RALGAPA1: variants seen among roughly 807,000 people sequenced by gnomAD.
The protein encoded by RALGAPA1 is ral GTPase-activating protein subunit alpha-1.
RALGAPA1 carries 52 observed loss-of-function variants against 269.6 expected under a neutral mutation model. The observed-to-expected ratio is 0.19, with a 90% confidence interval of 0.15 to 0.24. The LOEUF (loss-of-function observed/expected upper bound fraction) is 0.24. RALGAPA1 is among the 10% of genes least tolerant of loss of function. The probability of loss-of-function intolerance (pLI) is 1.00; values close to 1 mark genes in which losing one functional copy is unlikely to be tolerated. For synonymous variants in RALGAPA1, 817 were observed against 1,008.3 expected, an observed-to-expected ratio of 0.81 and a Z score of 3.60; for missense variants, 1,917 against 3,013.9, an observed-to-expected ratio of 0.64 and a Z score of 8.52.
intron 8 of RALGAPA1, 52 bp from the exon 9 acceptor site, chr14:35,750,742 T>C: frequency 7.0e-7 from 1 of 1,434,264 alleles, no homozygotes; most frequent in Non-Finnish European, 9.5e-7. Context: ...AAATTATGTT[T>C]AGAAAAAACC....
At position 35,770,874 on chromosome 14, in the gene RALGAPA1, C is replaced by T. The variant is rs1257938824; in HGVS notation, c.325+68G>A. 5 of 536,522 alleles carry T rather than the reference C, an allele frequency of 9.3e-6. No homozygotes were observed. In the East Asian group the frequency reaches 1.4e-4, roughly 15 times the overall value. The allele number at this position is 536,522 out of a possible 1,614,324, so 33.2% of individuals were successfully genotyped here. On this transcript the variant is annotated intron_variant, in intron 4 of 41. Coordinates refer to ENST00000680220, the MANE Select transcript of RALGAPA1 (RefSeq NM_001346249.2). ...CTATTAATTCATTTCAACTAACAAC[C>T]CATTAAAGAACATTTTTCATATATT...
rs766975141 is a variant in RALGAPA1, at chr14:35,689,937, G to A, written c.2474C>T (p.Thr825Ile). ...RVRHFSQSEE[T>I]GNEVFGALNE... is the part of the protein sequence containing the mutation. ...CAAAGCACCAAAAACTTCATTTCCAGTTTCTTCACTTTGTGAAAAATGTCT... is the reference window on the plus strand; with the variant it reads ...CAAAGCACCAAAAACTTCATTTCCAATTTCTTCACTTTGTGAAAAATGTCT... Residue 825 changes from threonine (T) to isoleucine (I), a missense_variant, in exon 18 of 42, where the codon ACT (threonine) becomes ATT (isoleucine). Physicochemically the swap from Thr to Ile is moderately conservative, Grantham distance 89 (BLOSUM62 -1). Transcript: ENST00000680220. The A allele has an allele frequency of 1.2e-6, 2 of 1,601,808 alleles. No homozygotes were observed. Among genetic ancestry groups the A allele is most frequent in the South Asian group, 2.2e-5 (2 of 89,036 alleles).
chr14:35,681,970 T>C (rs1194599425), intron 21 of RALGAPA1, among the ~76,000 whole-genome samples: 1 of 152,230 alleles, frequency 6.6e-6, no homozygotes, highest in African/African-American at 2.4e-5. Flanking sequence ...TTTTTGCATA[T>C]ATTAATATTT....
intron 35 of RALGAPA1, among the ~76,000 whole-genome samples, chr14:35,615,751 G>C (rs2060208540): frequency 6.6e-6 from 1 of 152,070 alleles, no homozygotes; most frequent in Admixed American, 6.6e-5. Context: ...GTATGTATGA[G>C]AACGGAGGCA....
intron 16 of RALGAPA1, among the ~76,000 whole-genome samples, chr14:35,710,243 C>T (rs1388761850): frequency 3.3e-5 from 5 of 152,102 alleles, no homozygotes; most frequent in African/African-American, 9.7e-5. Context: ...AGGATTATTA[C>T]GTCTTCTTGG....
In RALGAPA1 at chr14:35,797,198, C is replaced by CA. The variant is rs1193337753; in HGVS notation, c.106+11531dup. Among the ~76,000 whole-genome samples, 6 of 151,230 alleles carry CA rather than the reference C, an allele frequency of 4.0e-5. No homozygotes were observed. The East Asian group carries it at 1.2e-3, about 31-fold the overall frequency. On this transcript the variant is annotated intron_variant, in intron 1 of 41. Coordinates refer to ENST00000680220, the MANE Select transcript of RALGAPA1 (RefSeq NM_001346249.2). ...TGAAACCCCATCTCTACTAAAAATACAAAAAATTAGCTGGGCGTGGTGGTG... is the reference window on the plus strand; with the variant it reads ...TGAAACCCCATCTCTACTAAAAATACAAAAAAATTAGCTGGGCGTGGTGGTG...
At chr14:35,789,065 T>TA (rs1013896108) in intron 1 of RALGAPA1, among the ~76,000 whole-genome samples, 2 of 151,984 alleles carry the variant, frequency 1.3e-5, no homozygotes, top group African/African-American at 2.4e-5. Context: ...TATGTTGTAA[T>TA]AAAAAAATCA....
chr14:35,622,460 G>T (rs554596338), intron 35 of RALGAPA1, among the ~76,000 whole-genome samples: 1 of 152,134 alleles, frequency 6.6e-6, no homozygotes, highest in South Asian at 2.1e-4. Context: ...ACATGTATAC[G>T]TATGTAACAA....
chr14:35,639,974 T>C (rs1360275219), intron 31 of RALGAPA1, among the ~76,000 whole-genome samples: 1 of 151,622 alleles, frequency 6.6e-6, no homozygotes, highest in Non-Finnish European at 1.5e-5. Flanking sequence ...AAACAATATC[T>C]TCCTGAATGA....
rs1017679877 is a variant in RALGAPA1 at position 35,727,692 on chromosome 14, T to C, written c.1736+670A>G. Among the ~76,000 whole-genome samples the C allele has an allele frequency of 5.9e-5, 9 of 152,274 alleles. No individual in the cohort carries two copies. The South Asian group carries it at 6.2e-4, about 11-fold the overall frequency. ...GGTGGTAAACAGATATTTACACAAGTATTTTAGGGATCAAGACAGTTTTCA... is the reference window on the plus strand; with the variant it reads ...GGTGGTAAACAGATATTTACACAAGCATTTTAGGGATCAAGACAGTTTTCA... On this transcript the variant is annotated intron_variant, in intron 13 of 41. Transcript: ENST00000680220.
intron 39 of RALGAPA1, among the ~76,000 whole-genome samples, chr14:35,551,171 A>G (rs2054966423): frequency 6.6e-6 from 1 of 152,186 alleles, no homozygotes; most frequent in African/African-American, 2.4e-5. Flanking sequence ...AAAGGGAAAA[A>G]TGGGGTTATT....
At chr14:35,683,720 T>G (rs1332125298) in intron 21 of RALGAPA1, 89 bp downstream of exon 21, 20 of 956,292 alleles carry the variant, frequency 2.1e-5, no homozygotes, top group Non-Finnish European at 3.0e-5. Context: ...TAGTAATAAG[T>G]AATACTTAAA....
chr14:35,600,874 A>T (rs1183131268), intron 36 of RALGAPA1, among the ~76,000 whole-genome samples: 1 of 151,680 alleles, frequency 6.6e-6, no homozygotes, highest in Admixed American at 6.6e-5. Flanking sequence ...ATGATGTGTA[A>T]TTTTTTATTG....
intron 1 of RALGAPA1, among the ~76,000 whole-genome samples, chr14:35,781,775 A>G (rs1201334265): frequency 6.6e-6 from 1 of 152,124 alleles, no homozygotes; most frequent in Non-Finnish European, 1.5e-5. Flanking sequence ...GACAAAACCC[A>G]ATATAATTTC....
At chr14:35,676,976 A>T (rs2065005558) in intron 22 of RALGAPA1, 1 of 152,214 alleles carries the variant, frequency 6.6e-6, no homozygotes, top group South Asian at 2.1e-4. Flanking sequence ...AAGGAGAAAA[A>T]GAAAAGGTCA....
intron 28 of RALGAPA1, among the ~76,000 whole-genome samples, chr14:35,657,380 T>G (rs6571725): frequency 0.61 from 91,572 of 151,238 alleles, 29,167 homozygotes; most frequent in African/African-American, 0.83. Flanking sequence ...AGTAGAGACG[T>G]GGTTTCACCA....
At chr14:35,668,165 G>A (rs1186441988) in intron 26 of RALGAPA1, among the ~76,000 whole-genome samples, 1 of 152,032 alleles carries the variant, frequency 6.6e-6, no homozygotes, top group Non-Finnish European at 1.5e-5. Flanking sequence ...AGGAAAGAAG[G>A]GGGAAAAAAA....
At chr14:35,739,471 G>C (rs1054167327) in intron 11 of RALGAPA1, among the ~76,000 whole-genome samples, 4 of 152,020 alleles carry the variant, frequency 2.6e-5, no homozygotes, top group African/African-American at 9.7e-5. Context: ...CTTCTGAAGA[G>C]CCCTTCCTGA....
chr14:35,587,626 A>G (rs2058382321), intron 37 of RALGAPA1, among the ~76,000 whole-genome samples: 2 of 151,312 alleles, frequency 1.3e-5, no homozygotes, highest in Admixed American at 1.3e-4. Flanking sequence ...AGGACAGAAA[A>G]CCAAACACCG....
Sources: gnomAD v4.1 joint callset for allele counts (sites outside exome capture counted in the v4.1 genomes callset) on GRCh38, gnomAD v4.1.1 for gene constraint, MANE v1.5 for transcripts, NCBI Gene and HGNC (gene_info 2026-07-23, HGNC 2026-07-21) for gene names.